The following KAZN variants were observed in gnomAD, a reference collection of about 807,000 sequenced individuals.
KAZN encodes the protein kazrin, periplakin interacting protein.
Under a neutral mutation model 87.4 loss-of-function variants are expected in KAZN, and 40 were observed. The ratio of observed to expected loss-of-function variants is 0.46; its 90% CI spans 0.36 to 0.60. The LOEUF is 0.60. Among genes scored for constraint, KAZN ranks in the 20% least tolerant of loss-of-function variants. The pLI is 0.00. For synonymous variants in KAZN, 466 were observed against 458.3 expected (o/e 1.02, Z -0.22); for missense variants, 898 against 1,073.9 (o/e 0.84, Z 2.29).
At chr1:14,101,850 C>G (rs577145867) in intron 1 of KAZN, among the ~76,000 whole-genome samples, 3 of 152,090 alleles carry the variant, frequency 2.0e-5, no homozygotes, top group African/African-American at 7.2e-5. Flanking sequence ...TTAGCAAAAC[C>G]TTTTTTTCCA....
At chr1:14,992,694 A>G (rs796513695) in intron 2 of KAZN, among the ~76,000 whole-genome samples, 3 of 152,130 alleles carry the variant, frequency 2.0e-5, no homozygotes, top group African/African-American at 7.2e-5. Flanking sequence ...CCCAGGCTGG[A>G]GTGCAGCAGC....
intron 1 of KAZN, among the ~76,000 whole-genome samples, chr1:14,132,350 T>G (rs1408411207): frequency 3.3e-5 from 5 of 152,076 alleles, no homozygotes; most frequent in Admixed American, 2.0e-4. Context: ...AGCAGGTGCT[T>G]GAGCGTGATA....
At chr1:14,436,655 T>C (rs1237580906) in intron 2 of KAZN, among the ~76,000 whole-genome samples, 1 of 148,866 alleles carries the variant, frequency 6.7e-6, no homozygotes, top group Non-Finnish European at 1.5e-5. Context: ...GAGGCAGAAG[T>C]TGCAGTGAGC....
chr1:14,168,805 A>G (rs1291971807), intron 1 of KAZN, among the ~76,000 whole-genome samples: 1 of 152,150 alleles, frequency 6.6e-6, no homozygotes, highest in Non-Finnish European at 1.5e-5. Context: ...CTGTTTCCTC[A>G]ACAGAAGGAC....
At chr1:13,942,497 G>A (rs1570344824) in intron 1 of KAZN, among the ~76,000 whole-genome samples, 1 of 138,616 alleles carries the variant, frequency 7.2e-6, no homozygotes, top group East Asian at 2.1e-4. Context: ...CCGAGATTGC[G>A]CCACTGCAGT....
At chr1:14,170,824 C>T (rs961744067) in intron 1 of KAZN, among the ~76,000 whole-genome samples, 15 of 152,110 alleles carry the variant, frequency 9.9e-5, no homozygotes, top group African/African-American at 1.4e-4. Flanking sequence ...TGGGTTCAAG[C>T]GATTCTCCTG....
intron 2 of KAZN, among the ~76,000 whole-genome samples, chr1:14,534,030 A>T (rs1324268277): frequency 6.6e-6 from 1 of 152,180 alleles, no homozygotes; most frequent in East Asian, 1.9e-4. Flanking sequence ...AGTTTTCCTT[A>T]GCCTAAACCG....
At chr1:14,148,481 T>G (rs11586698) in intron 1 of KAZN, among the ~76,000 whole-genome samples, 58,521 of 152,034 alleles carry the variant, frequency 0.38, 11,479 homozygotes, top group Middle Eastern at 0.49. Context: ...GAGTTTTCTC[T>G]TATTCTCTGA....
intron 2 of KAZN, among the ~76,000 whole-genome samples, chr1:14,238,576 C>T (rs1410414508): frequency 1.3e-5 from 2 of 152,244 alleles, no homozygotes; most frequent in Non-Finnish European, 2.9e-5. Context: ...ATCCGATGAA[C>T]AATAGCTATG....
At chr1:14,262,335 G>A (rs1651103877) in intron 2 of KAZN, among the ~76,000 whole-genome samples, 1 of 152,188 alleles carries the variant, frequency 6.6e-6, no homozygotes, top group African/African-American at 2.4e-5. Context: ...GTGGCTCTTA[G>A]ATGACTAAAA....
intron 2 of KAZN, among the ~76,000 whole-genome samples, chr1:14,584,058 C>T (rs1233194021): frequency 5.3e-5 from 8 of 152,144 alleles, no homozygotes; most frequent in South Asian, 2.1e-4. Flanking sequence ...TGTGGACATG[C>T]GTTGCCTGGT....
chr1:14,091,347 T>A (rs1176502998), intron 1 of KAZN, among the ~76,000 whole-genome samples: 1 of 152,156 alleles, frequency 6.6e-6, no homozygotes, highest in African/African-American at 2.4e-5. Flanking sequence ...CTTTTGTTCC[T>A]TCTCCTCTTC....
At chr1:14,902,244 A>G (rs1239263607) in intron 1 of KAZN, among the ~76,000 whole-genome samples, 2 of 142,018 alleles carry the variant, frequency 1.4e-5, no homozygotes, top group East Asian at 2.1e-4. Flanking sequence ...TTTTTTTTTT[A>G]AGATGGAGTC....
chr1:14,090,284 C>G (rs1355674802), intron 1 of KAZN, among the ~76,000 whole-genome samples: 1 of 152,150 alleles, frequency 6.6e-6, no homozygotes, highest in Non-Finnish European at 1.5e-5. Context: ...CCTCATCTCA[C>G]TGACACTCCA....
intron 1 of KAZN, among the ~76,000 whole-genome samples, chr1:13,988,292 G>A (rs921588523): frequency 6.6e-6 from 1 of 152,084 alleles, no homozygotes; most frequent in African/African-American, 2.4e-5. Context: ...AAATAAAAAT[G>A]CCTATTTCTG....
intron 2 of KAZN, among the ~76,000 whole-genome samples, chr1:14,461,863 A>G (rs1277091803): frequency 6.6e-6 from 1 of 151,922 alleles, no homozygotes; most frequent in Non-Finnish European, 1.5e-5. Flanking sequence ...CCTGGGAGGG[A>G]CCTGCTTGAC....
intron 2 of KAZN, among the ~76,000 whole-genome samples, chr1:14,438,206 G>A (rs1308770806): frequency 2.0e-5 from 3 of 152,068 alleles, no homozygotes; most frequent in Non-Finnish European, 2.9e-5. Flanking sequence ...TGTGGGTATA[G>A]GCTTACATCA....
At chr1:14,169,372 C>T (rs909290391) in intron 1 of KAZN, among the ~76,000 whole-genome samples, 12 of 152,132 alleles carry the variant, frequency 7.9e-5, no homozygotes, top group Non-Finnish European at 1.6e-4. Context: ...ATCCAGACTG[C>T]CCATTAGAAT....
intron 1 of KAZN, among the ~76,000 whole-genome samples, chr1:14,138,567 C>T (rs915124950): frequency 3.9e-5 from 6 of 152,116 alleles, no homozygotes; most frequent in Non-Finnish European, 7.3e-5. Flanking sequence ...CCCACGAGAT[C>T]GTCCTGGAAA....
Sources: gnomAD v4.1 joint callset for allele counts (sites outside exome capture counted in the v4.1 genomes callset) on GRCh38, gnomAD v4.1.1 for gene constraint, MANE v1.5 for transcripts, NCBI Gene and HGNC (gene_info 2026-07-23, HGNC 2026-07-21) for gene names.